Variants in SENP6 observed in about 807,000 individuals in gnomAD.
SENP6 encodes the protein SUMO specific peptidase 6, also known as sentrin-specific protease 6.
A neutral mutation model predicts 134.5 loss-of-function variants in SENP6; 41 were observed. The observed-to-expected ratio is 0.30, with a 90% confidence interval of 0.24 to 0.40. The LOEUF is 0.40. Among genes scored for constraint, SENP6 ranks in the 10% least tolerant of loss-of-function variants. The pLI is 1.00. For missense variants in SENP6, 1,248 were observed against 1,312.5 expected (o/e 0.95, Z 0.76); for synonymous variants, 395 against 429.8 (o/e 0.92, Z 1.00).
At chr6:75,665,110 C>A (rs1031851550) in intron 9 of SENP6, among the ~76,000 whole-genome samples, 2 of 152,050 alleles carry the variant, frequency 1.3e-5, no homozygotes, top group Non-Finnish European at 2.9e-5. Context: ...CACGGTGAAA[C>A]CCCGTCTCTA....
chr6:75,671,525 C>T (rs1163652827), intron 11 of SENP6, among the ~76,000 whole-genome samples: 2 of 152,140 alleles, frequency 1.3e-5, no homozygotes, highest in East Asian at 3.8e-4. Context: ...AGTTTGAGAC[C>T]AGCCTGGCTA....
intron 9 of SENP6, among the ~76,000 whole-genome samples, chr6:75,664,780 A>G (rs904676696): frequency 2.6e-5 from 4 of 152,218 alleles, no homozygotes; most frequent in African/African-American, 9.6e-5. Context: ...TGAAATACTA[A>G]TAAAGTCAAC....
intron 19 of SENP6, among the ~76,000 whole-genome samples, chr6:75,707,745 C>G (rs563528228): frequency 5.9e-5 from 9 of 152,224 alleles, no homozygotes; most frequent in Non-Finnish European, 1.3e-4. Context: ...TACAGCAATA[C>G]AATCACAGTT....
intron 16 of SENP6, among the ~76,000 whole-genome samples, chr6:75,685,537 C>T (rs995276553): frequency 6.6e-6 from 1 of 152,142 alleles, no homozygotes; most frequent in Non-Finnish European, 1.5e-5. Context: ...ATTAATTTCC[C>T]TCTACGCACT....
intron 18 of SENP6, among the ~76,000 whole-genome samples, chr6:75,698,329 T>G (rs1582885995): frequency 6.6e-6 from 1 of 152,198 alleles, no homozygotes; most frequent in Non-Finnish European, 1.5e-5. Flanking sequence ...GTTGGCTATT[T>G]TGTGGTTTCC....
chr6:75,627,062 C>G (rs1246584786), intron 3 of SENP6, among the ~76,000 whole-genome samples: 1 of 152,090 alleles, frequency 6.6e-6, no homozygotes, highest in Non-Finnish European at 1.5e-5. Flanking sequence ...CTCCCAGATT[C>G]AAGTGATTCT....
intron 14 of SENP6, 65 bp from the exon 15 acceptor site, chr6:75,678,518 C>A: frequency 1.3e-6 from 1 of 797,874 alleles, no homozygotes; most frequent in Non-Finnish European, 2.1e-6. Flanking sequence ...TTGCCTTGTG[C>A]TTACCCTTTT....
At chr6:75,643,556 T>A (rs1770192799) in intron 6 of SENP6, among the ~76,000 whole-genome samples, 1 of 152,190 alleles carries the variant, frequency 6.6e-6, no homozygotes, top group African/African-American at 2.4e-5. Context: ...ACCCCGCCTC[T>A]ATTAAAAATA....
intron 17 of SENP6, among the ~76,000 whole-genome samples, chr6:75,696,212 A>G (rs1191685487): frequency 6.6e-6 from 1 of 152,220 alleles, no homozygotes; most frequent in East Asian, 1.9e-4. Flanking sequence ...CAAAATTAAT[A>G]TAATTCATAA....
intron 3 of SENP6, among the ~76,000 whole-genome samples, chr6:75,633,136 T>C (rs930400139): frequency 2.0e-5 from 3 of 152,216 alleles, no homozygotes; most frequent in Admixed American, 1.3e-4. Context: ...AAGTATAAAG[T>C]ATCAATTTCT....
At chr6:75,690,172 A>G (rs113500920) in intron 16 of SENP6, among the ~76,000 whole-genome samples, 2,417 of 152,272 alleles carry the variant, frequency 0.016, 65 homozygotes, top group African/African-American at 0.056. Context: ...TGGCTTCCCA[A>G]AGTTCTGGGA....
intron 9 of SENP6, among the ~76,000 whole-genome samples, chr6:75,664,982 T>G (rs1447030991): frequency 3.3e-5 from 5 of 152,160 alleles, no homozygotes; most frequent in Non-Finnish European, 5.9e-5. Context: ...GCTTACTTTA[T>G]TGGGTTATCA....
At chr6:75,679,157 T>C in intron 16 of SENP6, 1 of 367,354 alleles carries the variant, frequency 2.7e-6, no homozygotes, top group South Asian at 3.1e-5. Flanking sequence ...CTTATGTCTA[T>C]AATCCTGACA....
At chr6:75,638,413 G>A (rs950839510) in intron 5 of SENP6, among the ~76,000 whole-genome samples, 11 of 149,454 alleles carry the variant, frequency 7.4e-5, no homozygotes, top group African/African-American at 2.4e-4. Flanking sequence ...TAACATGAAA[G>A]CAACTCTAGG....
intron 7 of SENP6, among the ~76,000 whole-genome samples, chr6:75,659,002 G>A (rs1462439238): frequency 1.7e-3 from 161 of 95,230 alleles, no homozygotes; most frequent in Middle Eastern, 6.3e-3. Context: ...AAAAAAAAAG[G>A]GGAATTGTGA....
In SENP6 at chr6:75,696,374, C is replaced by T. The variant is rs148776718; in HGVS notation, c.2195+451C>T. ...CTCTGTTTTATCCTAGATGTTCATC[C>T]ATAATATCTAAGAAAGGAACCTGTG... On this transcript the variant is annotated intron_variant, in intron 17 of 23. Coordinates refer to ENST00000447266, the MANE Select transcript of SENP6 (RefSeq NM_015571.4). 4.1e-3 allele frequency among the ~76,000 whole-genome samples: 624 copies of T among 152,208 alleles called. 4 individuals are homozygous for T. The highest frequency in any genetic ancestry group is 6.6e-3 in the Non-Finnish European group (451 of 68,016).
intron 18 of SENP6, 187 bp downstream of exon 18, chr6:75,697,704 G>C (rs1047280183): frequency 5.7e-5 from 29 of 511,036 alleles, no homozygotes; most frequent in Admixed American, 3.3e-4. Context: ...GTAAGATATT[G>C]AATTTTAGAG....
intron 2 of SENP6, chr6:75,622,701 G>C (rs991748097): frequency 6.3e-6 from 6 of 948,568 alleles, no homozygotes; most frequent in Non-Finnish European, 8.7e-6. Flanking sequence ...ATATGTTAAA[G>C]AAATTTTTAT....
chr6:75,652,169 C>T (rs1244238701), intron 7 of SENP6, among the ~76,000 whole-genome samples: 1 of 151,568 alleles, frequency 6.6e-6, no homozygotes, highest in East Asian at 2.0e-4. Context: ...AGAGTGAGAC[C>T]ATATCTCAGA....
Sources: gnomAD v4.1 joint callset for allele counts (sites outside exome capture counted in the v4.1 genomes callset) on GRCh38, gnomAD v4.1.1 for gene constraint, MANE v1.5 for transcripts, NCBI Gene and HGNC (gene_info 2026-07-23, HGNC 2026-07-21) for gene names.